AGR3: variants seen among roughly 807,000 people sequenced by gnomAD.
AGR3 encodes anterior gradient protein 3.
Under a neutral mutation model 24.5 loss-of-function variants are expected in AGR3, and 37 were observed. The ratio of observed to expected loss-of-function variants is 1.51; its 90% confidence interval spans 1.16 to 1.99. AGR3 has a LOEUF of 1.99. Among genes scored for constraint, AGR3 ranks in the 30% most tolerant of loss-of-function variants. AGR3 has a pLI of 0.00. For missense variants in AGR3, 228 were observed against 191.1 expected, an observed-to-expected ratio of 1.19 and a Z score of -1.14; for synonymous variants, 75 against 61.6, an observed-to-expected ratio of 1.22 and a Z score of -1.02.
At position 16,880,292 on chromosome 7, in the gene AGR3, G is replaced by A. The variant is rs367803807; in HGVS notation, c.-27-1647C>T. On this transcript the variant is annotated intron_variant, in intron 1 of 7. Transcript: ENST00000310398. The stretch of plus-strand genomic sequence containing the variant: ...TCTCCTGCCTCAGCTTCCCAAGTAC[G>A]TGGGACTACAGGTGTCCACCATCAT... 4.8e-3 allele frequency among the ~76,000 whole-genome samples: 718 copies of A among 150,098 alleles called. 3 individuals carry two copies. The highest frequency in any genetic ancestry group is 0.016 in the African/African-American group (649 of 40,790).
chr7:16,870,537 A>T (rs1266621817), intron 3 of AGR3, among the ~76,000 whole-genome samples: 1 of 152,010 alleles, frequency 6.6e-6, no homozygotes, highest in African/African-American at 2.4e-5. Context: ...CTACTGTTGG[A>T]ATGCTGTTGT....
At chr7:16,867,382 A>C (rs62443939) in intron 3 of AGR3, among the ~76,000 whole-genome samples, 16,946 of 152,002 alleles carry the variant, frequency 0.11, 1,220 homozygotes, top group East Asian at 0.36. Flanking sequence ...TAATCTATTT[A>C]TTTATTTGAC....
chr7:16,876,348 T>C (rs979599195), intron 2 of AGR3, among the ~76,000 whole-genome samples: 1 of 152,204 alleles, frequency 6.6e-6, no homozygotes, highest in Non-Finnish European at 1.5e-5. Flanking sequence ...AAATATTTAC[T>C]ATCCGCCAAT....
Position 16,861,457 on chromosome 7 carries a change from G to T in AGR3, c.304-10C>A. 1.9e-6 allele frequency: 3 copies of T among 1,596,358 alleles called. No individual in the cohort carries two copies. Among genetic ancestry groups the T allele is most frequent in the Non-Finnish European group, 2.6e-6 (3 of 1,171,656 alleles). ...TATCAGTGGTTTCATGCTAGCAGGA[G>T]AAGAAAAAAAAAGAATGTTATTGGA... On this transcript the variant is annotated splice_polypyrimidine_tract_variant and intron_variant, in intron 5 of 7. Coordinates refer to ENST00000310398, the MANE Select transcript of AGR3 (RefSeq NM_176813.5).
intron 3 of AGR3, chr7:16,865,997 G>A (rs1410867269): frequency 1.5e-5 from 10 of 661,794 alleles, no homozygotes; most frequent in African/African-American, 1.1e-4. Flanking sequence ...TTCATGCACA[G>A]CCAAGTTCAT....
intron 3 of AGR3, among the ~76,000 whole-genome samples, chr7:16,867,456 A>C (rs1341808544): frequency 6.6e-6 from 1 of 152,228 alleles, no homozygotes; most frequent in Admixed American, 6.5e-5. Flanking sequence ...TATGTTGTAC[A>C]GTGGCTAAAT....
intron 5 of AGR3, among the ~76,000 whole-genome samples, chr7:16,861,714 A>G (rs923306704): frequency 5.9e-5 from 9 of 151,992 alleles, no homozygotes; most frequent in African/African-American, 9.7e-5. Context: ...CAGCCTAACC[A>G]ACAAGGTGAA....
At chr7:16,871,186 C>T (rs1781857159) in intron 3 of AGR3, among the ~76,000 whole-genome samples, 1 of 152,154 alleles carries the variant, frequency 6.6e-6, no homozygotes, top group Non-Finnish European at 1.5e-5. Context: ...TGCCCTAAAC[C>T]AGTTTTCTGT....
Position 16,873,978 on chromosome 7 carries a change from G to A in AGR3, c.110-135C>T, listed in dbSNP as rs138096186. On this transcript the variant is annotated intron_variant, in intron 2 of 7. Coordinates refer to ENST00000310398, the MANE Select transcript of AGR3 (RefSeq NM_176813.5). ...GCTGTTGGCTGACATATGGTGCAGAGGACACACAATTTTCACAAGATATGG... is the reference window on the plus strand; with the variant it reads ...GCTGTTGGCTGACATATGGTGCAGAAGACACACAATTTTCACAAGATATGG... The A allele has an allele frequency of 4.0e-4, 286 of 711,452 alleles. 3 individuals carry two copies. In the African/African-American group the frequency reaches 4.5e-3, roughly 11 times the overall value. 44.1% of individuals were successfully genotyped at this position (711,452 alleles called of 1,614,324 possible). A position where few individuals can be genotyped will look rare whatever the true frequency, so the allele number is the denominator to read the frequency against.
At chr7:16,877,300 TA>T (rs1430543806) in intron 2 of AGR3, among the ~76,000 whole-genome samples, 1 of 86,246 alleles carries the variant, frequency 1.2e-5, no homozygotes, top group Admixed American at 1.3e-4. Flanking sequence ...ATATAATATA[TA>T]GTATATATAA....
At chr7:16,863,176 A>T (rs1272900993) in intron 3 of AGR3, among the ~76,000 whole-genome samples, 1 of 152,252 alleles carries the variant, frequency 6.6e-6, no homozygotes, top group Non-Finnish European at 1.5e-5. Context: ...CAAACTTATT[A>T]GGTAATTCTT....
At chr7:16,871,021 A>G (rs1474902838) in intron 3 of AGR3, among the ~76,000 whole-genome samples, 1 of 152,198 alleles carries the variant, frequency 6.6e-6, no homozygotes, top group African/African-American at 2.4e-5. Flanking sequence ...GTCTTTAAGA[A>G]TAAAAATGGT....
chr7:16,856,311 A>C (rs940472627), downstream of AGR3, among the ~76,000 whole-genome samples: 3 of 152,220 alleles, frequency 2.0e-5, no homozygotes, highest in Non-Finnish European at 4.4e-5. Flanking sequence ...ATCTGAATAG[A>C]AATGTTGCTA....
In AGR3 at chr7:16,864,412, G is replaced by A; in HGVS notation, c.174-1750C>T. On this transcript the variant is annotated intron_variant, in intron 3 of 7. Transcript: ENST00000310398. The stretch of plus-strand genomic sequence containing the variant: ...CCAGGTTTCCAGCTCTGTGTCCTGT[G>A]CGGGTTCACCCAGAGATTCCTCTGC... 4 of 1,275,170 alleles carry A rather than the reference G, an allele frequency of 3.1e-6. 1 individual carries two copies. The South Asian group carries it at 3.6e-5, about 11-fold the overall frequency. 79.0% of individuals were successfully genotyped at this position (1,275,170 alleles called of 1,614,324 possible).
At chr7:16,881,448 G>A (rs1387962870) in intron 1 of AGR3, among the ~76,000 whole-genome samples, 1 of 152,156 alleles carries the variant, frequency 6.6e-6, no homozygotes, top group South Asian at 2.1e-4. Context: ...CAGTTGCAAG[G>A]TTAAGCTACT....
Position 16,860,343 on chromosome 7 carries a change from A to G in AGR3, c.451+157T>C, listed in dbSNP as rs1781616444. The G allele has an allele frequency of 8.6e-6, 5 of 581,020 alleles. No individual in the cohort carries two copies. In the South Asian group the frequency reaches 1.2e-4, roughly 14 times the overall value. The allele number at this position is 581,020 out of a possible 1,614,324, so 36.0% of individuals were successfully genotyped here. The stretch of plus-strand genomic sequence containing the variant: ...AAATAGATTCTGAGGTACCCCCAAA[A>G]TTCTGATTTTGGTGGGAGCTAGAAG... On this transcript the variant is annotated intron_variant, in intron 7 of 7. Transcript: ENST00000310398.
intron 2 of AGR3, among the ~76,000 whole-genome samples, chr7:16,877,975 A>C (rs1782022274): frequency 1.3e-5 from 2 of 152,160 alleles, no homozygotes; most frequent in South Asian, 4.1e-4. Context: ...ATGTTTCTAA[A>C]CATGTAGCCA....
At chr7:16,865,185 G>C (rs1781731280) in intron 3 of AGR3, 5 of 749,462 alleles carry the variant, frequency 6.7e-6, no homozygotes, top group Admixed American at 6.6e-5. Flanking sequence ...AACCCTATCA[G>C]TTTTTTTTCT....
intron 2 of AGR3, among the ~76,000 whole-genome samples, chr7:16,877,602 G>A (rs1782011331): frequency 6.6e-6 from 1 of 151,738 alleles, no homozygotes; most frequent in Admixed American, 6.6e-5. Flanking sequence ...GGTGGCTCAC[G>A]CCTGTAATCC....
Sources: gnomAD v4.1 joint callset for allele counts (sites outside exome capture counted in the v4.1 genomes callset) on GRCh38, gnomAD v4.1.1 for gene constraint, MANE v1.5 for transcripts, NCBI Gene and HGNC (gene_info 2026-07-23, HGNC 2026-07-21) for gene names.